The following MECR variants were observed in gnomAD, a reference collection of about 807,000 sequenced individuals.
MECR encodes enoyl-[acyl-carrier-protein] reductase, mitochondrial.
Under a neutral mutation model 49.1 loss-of-function variants are expected in MECR, and 37 were observed. The observed-to-expected ratio is 0.75, with a 90% CI of 0.58 to 0.99. The LOEUF is 0.99. Ranked by LOEUF, MECR falls within the 50% of genes least tolerant of loss-of-function variation. The pLI is 0.00. For missense variants in MECR, 470 were observed against 479.6 expected (o/e 0.98, Z 0.19); for synonymous variants, 198 against 191.1 (o/e 1.04, Z -0.30).
At chr1:29,189,663 G>A (rs1673085939), downstream of MECR, among the ~76,000 whole-genome samples, 1 of 152,176 alleles carries the variant, frequency 6.6e-6, no homozygotes, top group Non-Finnish European at 1.5e-5. Flanking sequence ...TTAGTGGAAG[G>A]GGGCGGGGTG....
At chr1:29,170,341 T>C in the MECR span, 1 of 152,160 alleles carries the variant, frequency 6.6e-6, no homozygotes. Context: ...TATTCCTACT[T>C]AAAGAAATAA....
At chr1:29,180,214 A>G in the MECR span, among the ~76,000 whole-genome samples, 1 of 152,204 alleles carries the variant, frequency 6.6e-6, no homozygotes, top group Non-Finnish European at 1.5e-5. Context: ...TTTGTCCACA[A>G]AAGTTAGTTA....
chr1:29,182,549 ATT>A, the MECR span, among the ~76,000 whole-genome samples: 1 of 144,328 alleles, frequency 6.9e-6, no homozygotes, highest in Non-Finnish European at 1.5e-5. Flanking sequence ...AATCCAACCT[ATT>A]TTTTTTTTTT....
downstream of MECR, among the ~76,000 whole-genome samples, chr1:29,189,912 T>C (rs1673089246): frequency 6.6e-6 from 1 of 152,244 alleles, no homozygotes; most frequent in African/African-American, 2.4e-5. Flanking sequence ...TGACTTGATT[T>C]CAATCTAAGT....
the MECR span, among the ~76,000 whole-genome samples, chr1:29,184,177 T>G: frequency 2.4e-4 from 1 of 4,116 alleles, no homozygotes; most frequent in African/African-American, 8.0e-4. Flanking sequence ...TGTACCCGGC[T>G]TTTTTTTTTT....
At chr1:29,229,435 C>T (rs1196568714) in intron 1 of MECR, among the ~76,000 whole-genome samples, 1 of 152,170 alleles carries the variant, frequency 6.6e-6, no homozygotes, top group Non-Finnish European at 1.5e-5. Context: ...GAACTCGTGA[C>T]CTCAGGTGAT....
chr1:29,182,109 C>A, the MECR span: 159,845 of 191,698 alleles, frequency 0.83, 67,437 homozygotes, highest in Non-Finnish European at 0.89. Flanking sequence ...CACCGCCTTC[C>A]GCAGCCAGCT....
In MECR at chr1:29,200,464, T is replaced by G. The variant is rs565992413; in HGVS notation, c.830+52A>C. 663 of 1,555,636 alleles carry G rather than the reference T, an allele frequency of 4.3e-4. 2 individuals are homozygous for G. The highest frequency in any genetic ancestry group is 4.9e-4 in the Non-Finnish European group (559 of 1,130,640). On this transcript the variant is annotated intron_variant, in intron 7 of 9. Coordinates refer to ENST00000263702, the MANE Select transcript of MECR (RefSeq NM_016011.5). ...TCAGTCACTTGATGGTCCTCCCAGC[T>G]AAAGACCTGGAGAGCTCTGGCGAGC...
At chr1:29,184,786 C>A in the MECR span, among the ~76,000 whole-genome samples, 1 of 151,618 alleles carries the variant, frequency 6.6e-6, no homozygotes, top group Non-Finnish European at 1.5e-5. Context: ...GCCTATTCTA[C>A]TTTTTTAGAG....
chr1:29,178,557 C>T, the MECR span, among the ~76,000 whole-genome samples: 3 of 151,580 alleles, frequency 2.0e-5, no homozygotes, highest in East Asian at 1.9e-4. Flanking sequence ...GGGGTTTCAC[C>T]ATCTTAACCA....
intron 3 of MECR, among the ~76,000 whole-genome samples, chr1:29,215,096 C>T (rs566758920): frequency 6.6e-5 from 10 of 152,264 alleles, no homozygotes; most frequent in South Asian, 2.1e-4. Context: ...TCACTGTAGC[C>T]TAGAACTCCT....
Position 29,223,063 on chromosome 1 carries a change from A to C in MECR, c.177-6378T>G, listed in dbSNP as rs140283650. The C allele has an allele frequency of 3.2e-5, 31 of 981,882 alleles. No homozygotes were observed. In the East Asian group the frequency reaches 1.8e-3, roughly 58 times the overall value. The allele number at this position is 981,882 out of a possible 1,614,324, so 60.8% of individuals were successfully genotyped here. A position where few individuals can be genotyped will look rare whatever the true frequency, so the allele number is the denominator to read the frequency against. On this transcript the variant is annotated intron_variant, in intron 1 of 9. Transcript: ENST00000263702. ...ACAAACAAACAAAACTCACCAAAGG[A>C]AACAGTGGCTATGTTTTGGAGTACA...
chr1:29,206,948 G>C, intron 3 of MECR, 43 bp from the exon 4 acceptor site: 1 of 1,609,154 alleles, frequency 6.2e-7, no homozygotes, highest in Non-Finnish European at 8.5e-7. Context: ...AAGGAGCCCT[G>C]TGCACATTCA....
chr1:29,203,214 A>G lies in MECR; in HGVS notation c.570T>C (p.Asn190=). 6 of 1,580,760 alleles carry G rather than the reference A, an allele frequency of 3.8e-6. No individual in the cohort carries two copies. The highest frequency in any genetic ancestry group is 5.2e-6 in the Non-Finnish European group (6 of 1,159,558). The part of the protein sequence containing the change: ...QLQPGDSVIQ[N]ASNSGVGQAV... ...CTTGCCCCACTCCGCTGTTGGATGCATTCTGGATGACAGAATCCCCTGTGG... is the reference window on the plus strand; with the variant it reads ...CTTGCCCCACTCCGCTGTTGGATGCGTTCTGGATGACAGAATCCCCTGTGG... The change falls in exon 5 of 10, where the codon AAT becomes AAC. Residue 190 remains asparagine, a synonymous_variant. Transcript: ENST00000263702.
chr1:29,196,134 G>A lies in MECR; in HGVS notation c.891+64C>T, dbSNP rs752161600. The A allele has an allele frequency of 2.0e-5, 32 of 1,599,020 alleles. No homozygotes were observed. The East Asian group carries it at 7.1e-4, about 36-fold the overall frequency. On this transcript the variant is annotated intron_variant, in intron 8 of 9. Coordinates refer to ENST00000263702, the MANE Select transcript of MECR (RefSeq NM_016011.5). Reference sequence around the variant, plus strand: ...AAGCTTAGACAGCTGTCGTGCCAGGGGATGTGGCCTGGCTGAGGTGTCTGG... The same window carrying A: ...AAGCTTAGACAGCTGTCGTGCCAGGAGATGTGGCCTGGCTGAGGTGTCTGG...
At chr1:29,189,399 G>C (rs574563445), downstream of MECR, among the ~76,000 whole-genome samples, 2 of 151,370 alleles carry the variant, frequency 1.3e-5, no homozygotes, top group Admixed American at 1.3e-4. Flanking sequence ...GATGGGTTGG[G>C]GGGGGGTCTC....
chr1:29,183,004 T>C, the MECR span, among the ~76,000 whole-genome samples: 1 of 152,242 alleles, frequency 6.6e-6, no homozygotes, highest in East Asian at 1.9e-4. Flanking sequence ...ACTAACGCCA[T>C]GTACCTAGAA....
Position 29,203,184 on chromosome 1 carries a change from G to C in MECR, c.600C>G (p.Val200=). The change falls in exon 5 of 10, where the codon GTC becomes GTG. Residue 200 remains valine (V), a synonymous_variant. Coordinates refer to ENST00000263702, the MANE Select transcript of MECR (RefSeq NM_016011.5). ...GGCCCAGGGCTGCGGCGATCTGGAT[G>C]ACTGCTTGCCCCACTCCGCTGTTGG... ...NASNSGVGQA[V]IQIAAALGLR... 6.3e-7 allele frequency: 1 copy of C among 1,587,502 alleles called. No individual in the cohort carries two copies. Among genetic ancestry groups the C allele is most frequent in the South Asian group, 1.1e-5 (1 of 88,008 alleles).
intron 3 of MECR, among the ~76,000 whole-genome samples, chr1:29,213,799 T>C (rs774816271): frequency 3.9e-5 from 6 of 152,254 alleles, no homozygotes; most frequent in Non-Finnish European, 8.8e-5. Context: ...TTTACTGTTA[T>C]ATCACCTGCA....
Sources: gnomAD v4.1 joint callset for allele counts (sites outside exome capture counted in the v4.1 genomes callset) on GRCh38, gnomAD v4.1.1 for gene constraint, MANE v1.5 for transcripts, NCBI Gene and HGNC (gene_info 2026-07-23, HGNC 2026-07-21) for gene names.